ALK: variants seen among roughly 807,000 people sequenced by gnomAD.
ALK encodes ALK tyrosine kinase receptor.
ALK carries 74 observed loss-of-function variants against 163.1 expected under a neutral mutation model. The ratio of observed to expected loss-of-function variants is 0.45; its 90% CI spans 0.38 to 0.55. The LOEUF (loss-of-function observed/expected upper bound fraction) is 0.55, where lower values mean the gene tolerates loss of function less well. Among genes scored for constraint, ALK ranks in the 20% least tolerant of loss-of-function variants. ALK has a pLI of 0.00. For synonymous variants in ALK, 960 were observed against 843.2 expected (o/e 1.14, Z -2.40); for missense variants, 2,063 against 2,105.3 (o/e 0.98, Z 0.39).
At chr2:29,595,951 G>A (rs1022566190) in intron 3 of ALK, among the ~76,000 whole-genome samples, 9 of 152,276 alleles carry the variant, frequency 5.9e-5, no homozygotes, top group Non-Finnish European at 7.4e-5. Context: ...CTCCAGTAGC[G>A]GCAAGCTGGC....
chr2:29,913,807 G>A (rs1210465527), intron 1 of ALK, among the ~76,000 whole-genome samples: 1 of 152,100 alleles, frequency 6.6e-6, no homozygotes, highest in African/African-American at 2.4e-5. Context: ...ATGTGCTCAG[G>A]TCCATTAACC....
At chr2:29,206,005 G>A (rs2148150745) in intron 26 of ALK, among the ~76,000 whole-genome samples, 1 of 152,194 alleles carries the variant, frequency 6.6e-6, no homozygotes, top group South Asian at 2.1e-4. Context: ...GGCCAGTGGG[G>A]GCCAGGACCA....
intron 3 of ALK, among the ~76,000 whole-genome samples, chr2:29,682,468 T>C (rs1678105204): frequency 6.6e-6 from 1 of 152,166 alleles, no homozygotes; most frequent in African/African-American, 2.4e-5. Context: ...ATGGGAGAGA[T>C]AGCAGTGACT....
intron 26 of ALK, among the ~76,000 whole-genome samples, chr2:29,200,924 A>ATGAT (rs1189397591): frequency 1.3e-5 from 2 of 150,880 alleles, no homozygotes; most frequent in East Asian, 3.9e-4. Context: ...TCTGCCTGGA[A>ATGAT]TGATTGATAG....
chr2:29,286,736 GGAAT>G (rs773192464), intron 9 of ALK: 18 of 152,058 alleles, frequency 1.2e-4, no homozygotes, highest in Non-Finnish European at 2.5e-4. Context: ...TAAAAATTTG[GGAAT>G]GAAACATTCA....
At chr2:29,423,359 C>T (rs1236341994) in intron 4 of ALK, among the ~76,000 whole-genome samples, 1 of 152,198 alleles carries the variant, frequency 6.6e-6, no homozygotes, top group African/African-American at 2.4e-5. Flanking sequence ...TTGCGTTTTC[C>T]ACCACATTGC....
At chr2:29,710,094 T>G (rs1311284044) in intron 2 of ALK, among the ~76,000 whole-genome samples, 1 of 152,186 alleles carries the variant, frequency 6.6e-6, no homozygotes, top group African/African-American at 2.4e-5. Context: ...TGATAGTGAA[T>G]AGTCTCATGA....
intron 3 of ALK, among the ~76,000 whole-genome samples, chr2:29,605,171 C>T (rs571899666): frequency 2.0e-5 from 3 of 152,260 alleles, no homozygotes; most frequent in East Asian, 3.9e-4. Flanking sequence ...GTAGCGATTA[C>T]GTTCTCATAA....
intron 4 of ALK, among the ~76,000 whole-genome samples, chr2:29,505,798 C>T (rs886202321): frequency 8.3e-6 from 1 of 120,252 alleles, no homozygotes; most frequent in African/African-American, 2.8e-5. Context: ...AAGGCAGCTA[C>T]ACTAATTGAA....
intron 4 of ALK, among the ~76,000 whole-genome samples, chr2:29,473,771 G>T (rs779598660): frequency 6.6e-6 from 1 of 152,056 alleles, no homozygotes; most frequent in Non-Finnish European, 1.5e-5. Context: ...CAGGAGAATC[G>T]CTTGAATCTG....
intron 26 of ALK, 74 bp from the exon 27 acceptor site, chr2:29,197,750 C>T: frequency 8.0e-7 from 1 of 1,255,356 alleles, no homozygotes; most frequent in Admixed American, 1.7e-5. Context: ...CACAGGCACA[C>T]AGACATACAA....
intron 1 of ALK, among the ~76,000 whole-genome samples, chr2:29,765,044 C>T (rs1425755343): frequency 1.3e-5 from 2 of 152,160 alleles, no homozygotes; most frequent in Admixed American, 6.5e-5. Flanking sequence ...CCACATATGA[C>T]GTGCCTGCTT....
chr2:29,238,571 A>G (rs1664441115), intron 13 of ALK, among the ~76,000 whole-genome samples: 1 of 152,160 alleles, frequency 6.6e-6, no homozygotes, highest in South Asian at 2.1e-4. Flanking sequence ...CTGCCTAGTG[A>G]GAACTGGAGA....
chr2:29,813,120 A>C (rs960529925), intron 1 of ALK, among the ~76,000 whole-genome samples: 4 of 152,214 alleles, frequency 2.6e-5, no homozygotes, highest in Non-Finnish European at 4.4e-5. Context: ...CACCATCAAG[A>C]AAAGCTTCAT....
At position 29,785,666 on chromosome 2, in the gene ALK, G is replaced by A. The variant is rs1572377403; in HGVS notation, c.668-67969C>T. On this transcript the variant is annotated intron_variant, in intron 1 of 28. Coordinates refer to ENST00000389048, the MANE Select transcript of ALK (RefSeq NM_004304.5). ...AAATGTGTGCAGGCTGCAAGGCTGAGACCAAGAAAGAAAGTAGATGGGGTT... is the reference window on the plus strand; with the variant it reads ...AAATGTGTGCAGGCTGCAAGGCTGAAACCAAGAAAGAAAGTAGATGGGGTT... 5.3e-5 allele frequency among the ~76,000 whole-genome samples: 8 copies of A among 152,300 alleles called. 1 individual carries two copies. Among genetic ancestry groups the A allele is most frequent in the Admixed American group, 3.3e-4 (5 of 15,290 alleles).
At chr2:29,754,653 A>G (rs1680463053) in intron 1 of ALK, among the ~76,000 whole-genome samples, 1 of 151,934 alleles carries the variant, frequency 6.6e-6, no homozygotes, top group Admixed American at 6.6e-5. Flanking sequence ...TCACACCACC[A>G]CACTCCAGCC....
At chr2:29,397,183 T>A (rs1669331198) in intron 4 of ALK, among the ~76,000 whole-genome samples, 1 of 152,158 alleles carries the variant, frequency 6.6e-6, no homozygotes, top group Non-Finnish European at 1.5e-5. Context: ...GTAATCAAGT[T>A]AAAATTAGAT....
At position 29,683,612 on chromosome 2, in the gene ALK, C is replaced by G. The variant is rs1247505655; in HGVS notation, c.952+11238G>C. Among the ~76,000 whole-genome samples the G allele has an allele frequency of 2.0e-5, 3 of 152,236 alleles. No individual in the cohort carries two copies. In the East Asian group the frequency reaches 5.8e-4, roughly 29 times the overall value. ...GTATTCTTTCAAGCTTGCTGCACTT[C>G]CATTTGTAAATGTGCATGATTACTG... On this transcript the variant is annotated intron_variant, in intron 3 of 28. Transcript: ENST00000389048.
chr2:29,803,067 G>T (rs1338004491), intron 1 of ALK, among the ~76,000 whole-genome samples: 1 of 152,208 alleles, frequency 6.6e-6, no homozygotes, highest in Non-Finnish European at 1.5e-5. Context: ...GGCTTGAACT[G>T]TTATGCAAGT....
Sources: gnomAD v4.1 joint callset for allele counts (sites outside exome capture counted in the v4.1 genomes callset) on GRCh38, gnomAD v4.1.1 for gene constraint, MANE v1.5 for transcripts, NCBI Gene and HGNC (gene_info 2026-07-23, HGNC 2026-07-21) for gene names.